CRACR2A: variants seen among roughly 807,000 people sequenced by gnomAD.
The protein encoded by CRACR2A is calcium release activated channel regulator 2A.
A neutral mutation model predicts 90.5 loss-of-function variants in CRACR2A; 79 were observed. That is an observed-to-expected ratio of 0.87 (90% CI 0.73 to 1.05). The LOEUF (loss-of-function observed/expected upper bound fraction) is 1.05, where lower values mean the gene tolerates loss of function less well. Ranked by LOEUF, CRACR2A falls within the 50% of genes least tolerant of loss-of-function variation. The pLI, the probability that CRACR2A is intolerant of heterozygous loss-of-function variation, is 0.00. For synonymous variants in CRACR2A, 338 were observed against 356.7 expected, an observed-to-expected ratio of 0.95 and a Z score of 0.59; for missense variants, 823 against 897.2, an observed-to-expected ratio of 0.92 and a Z score of 1.06.
chr12:3,721,879 G>A (rs11062775), intron 2 of CRACR2A, among the ~76,000 whole-genome samples: 16,629 of 152,192 alleles, frequency 0.11, 1,034 homozygotes, highest in Middle Eastern at 0.2. Context: ...GATGGAAGAC[G>A]TCCAGCACGT....
At position 3,627,677 on chromosome 12, in the gene CRACR2A, C is replaced by T. The variant is rs1944292359; in HGVS notation, c.1765G>A (p.Val589Met). 4 of 1,551,696 alleles carry T rather than the reference C, an allele frequency of 2.6e-6. No homozygotes were observed. The highest frequency in any genetic ancestry group is 2.6e-6 in the Non-Finnish European group (3 of 1,147,022). ...TGCAGGGCCACCTGAGAGTTGTCCA[C>T]ATTCAACGTCTTCACACGGTAATCA... ...GIDYRVKTLN[V>M]DNSQVALQLW... Residue 589 changes from valine to methionine, a missense_variant, in exon 16 of 20, where the codon GTG (valine) becomes ATG (methionine). Val to Met is a conservative substitution (Grantham distance 21, BLOSUM62 1). Coordinates refer to ENST00000440314, the MANE Select transcript of CRACR2A (RefSeq NM_001144958.2).
At chr12:3,689,677 G>C (rs1402715944) in intron 4 of CRACR2A, among the ~76,000 whole-genome samples, 1 of 151,974 alleles carries the variant, frequency 6.6e-6, no homozygotes, top group Non-Finnish European at 1.5e-5. Context: ...TCTCTGCCAG[G>C]TTTTGATATC....
chr12:3,624,806 C>A (rs1944224441), intron 17 of CRACR2A, among the ~76,000 whole-genome samples: 2 of 152,222 alleles, frequency 1.3e-5, no homozygotes, highest in African/African-American at 2.4e-5. Flanking sequence ...CCAGTCCCGA[C>A]CTGCTGAAGC....
At chr12:3,676,053 C>A in intron 6 of CRACR2A, among the ~76,000 whole-genome samples, 1 of 152,062 alleles carries the variant, frequency 6.6e-6, no homozygotes, top group Non-Finnish European at 1.5e-5. Flanking sequence ...ATCACTTCCA[C>A]CAATTCTTTC....
chr12:3,654,137 A>G, intron 10 of CRACR2A, 75 bp downstream of exon 10: 3 of 1,537,724 alleles, frequency 2.0e-6, no homozygotes, highest in South Asian at 1.2e-5. Flanking sequence ...AGGGTCTCTG[A>G]GCGGCGAGGG....
In CRACR2A at chr12:3,654,438, C is replaced by T. The variant is rs766450291; in HGVS notation, c.859-39G>A. 7 of 1,540,812 alleles carry T rather than the reference C, an allele frequency of 4.5e-6. No individual in the cohort carries two copies. The African/African-American group carries it at 7.0e-5, about 15-fold the overall frequency. On this transcript the variant is annotated intron_variant, in intron 9 of 19. Transcript: ENST00000440314. ...GGGAGCAGAGGGGAATGAGGAGTGA[C>T]CACCATTTTCAGGAGGGCCTGCCCT...
intron 7 of CRACR2A, chr12:3,672,893 CAGG>C: frequency 1.4e-6 from 1 of 730,304 alleles, no homozygotes; most frequent in Non-Finnish European, 1.7e-6. Flanking sequence ...AGAGAGCGGC[CAGG>C]AGGAGGGACA....
In CRACR2A at chr12:3,638,202, T is replaced by C; in HGVS notation, c.1524A>G (p.Gln508=). Residue 508 remains glutamine, a synonymous_variant, in exon 14 of 20, where the codon CAA becomes CAG. Transcript: ENST00000440314. ...EEVSDQGVQG[Q]IPEAPPLKLT... ...GTTTCAAGGGTGGGGCCTCCGGGAT[T>C]TGTCCCTGTACCCCCTGGTCAGAGA... The C allele has an allele frequency of 6.4e-7, 1 of 1,551,474 alleles. No homozygotes were observed. The highest frequency in any genetic ancestry group is 8.7e-7 in the Non-Finnish European group (1 of 1,146,830).
At chr12:3,642,047 C>A (rs1944582216) in intron 12 of CRACR2A, among the ~76,000 whole-genome samples, 1 of 152,104 alleles carries the variant, frequency 6.6e-6, no homozygotes, top group Non-Finnish European at 1.5e-5. Flanking sequence ...TTCCAGTCAG[C>A]TAATCAAATG....
intron 14 of CRACR2A, 86 bp downstream of exon 14, chr12:3,638,038 A>G: frequency 1.5e-6 from 2 of 1,329,516 alleles, no homozygotes; most frequent in Non-Finnish European, 2.0e-6. Flanking sequence ...TGACCTCCTG[A>G]GCTGCCTCTC....
At chr12:3,698,795 C>T (rs17836297) in intron 3 of CRACR2A, among the ~76,000 whole-genome samples, 20,732 of 152,098 alleles carry the variant, frequency 0.14, 1,593 homozygotes, top group Admixed American at 0.22. Flanking sequence ...TTGTTCAGCC[C>T]GCCTGCATGA....
intron 11 of CRACR2A, among the ~76,000 whole-genome samples, chr12:3,647,311 A>C (rs1225131629): frequency 6.6e-6 from 1 of 151,734 alleles, no homozygotes; most frequent in Non-Finnish European, 1.5e-5. Flanking sequence ...TTGGGGCTTA[A>C]GCTTGGTAAC....
chr12:3,634,082 C>T (rs73045289), intron 14 of CRACR2A, among the ~76,000 whole-genome samples: 6,275 of 152,162 alleles, frequency 0.041, 150 homozygotes, highest in Middle Eastern at 0.082. Flanking sequence ...CCAAGTGTGA[C>T]GGGGCACAGA....
At chr12:3,744,985 C>A (rs942685947) in intron 1 of CRACR2A, among the ~76,000 whole-genome samples, 18 of 152,074 alleles carry the variant, frequency 1.2e-4, no homozygotes, top group Non-Finnish European at 2.2e-4. Flanking sequence ...GATCCAAAAA[C>A]AAACAAACAA....
chr12:3,687,029 T>C (rs1377105885), intron 4 of CRACR2A, among the ~76,000 whole-genome samples: 2 of 152,144 alleles, frequency 1.3e-5, no homozygotes, highest in Non-Finnish European at 2.9e-5. Flanking sequence ...TGGTCCCTGC[T>C]CTATCTGGGT....
chr12:3,666,330 CGT>C (rs750488682), intron 7 of CRACR2A, among the ~76,000 whole-genome samples: 312 of 139,620 alleles, frequency 2.2e-3, no homozygotes, highest in Admixed American at 3.1e-3. Context: ...AGGACGGCTG[CGT>C]GTGTGTGTGT....
intron 15 of CRACR2A, among the ~76,000 whole-genome samples, chr12:3,632,969 G>A (rs781723128): frequency 1.8e-4 from 28 of 152,200 alleles, no homozygotes; most frequent in Non-Finnish European, 3.7e-4. Context: ...TGTGGGTGAA[G>A]GGATTAAAGG....
chr12:3,643,829 TAAATATATATAA>T (rs1565470886), intron 12 of CRACR2A, among the ~76,000 whole-genome samples: 3 of 98,250 alleles, frequency 3.1e-5, no homozygotes, highest in African/African-American at 3.9e-5. Context: ...ATATTATATA[TAAATATATATAA>T]TATATATTAT....
In CRACR2A at chr12:3,656,379, G is replaced by C. The variant is rs759114289; in HGVS notation, c.790C>G (p.Gln264Glu). ...KDTERFQARSQELEQKLLCKE... is the reference protein window; with the variant it reads ...KDTERFQARSEELEQKLLCKE... ...CATAACAGTTTCTGCTCCAGCTCTT[G>C]ACTGCGGGCTTGAAACCTCTCTGTG... is the stretch of plus-strand genomic sequence containing the variant. Residue 264 changes from glutamine (Q) to glutamate (E), a missense_variant, in exon 9 of 20, where the codon CAA (glutamine) becomes GAA (glutamate). Transcript: ENST00000440314. 2.0e-5 allele frequency: 33 copies of C among 1,613,964 alleles called. No homozygotes were observed. The highest frequency in any genetic ancestry group is 1.6e-4 in the Middle Eastern group (1 of 6,082).
Sources: gnomAD v4.1 joint callset for allele counts (sites outside exome capture counted in the v4.1 genomes callset) on GRCh38, gnomAD v4.1.1 for gene constraint, MANE v1.5 for transcripts, NCBI Gene and HGNC (gene_info 2026-07-23, HGNC 2026-07-21) for gene names.